CBFB: variants seen among roughly 807,000 people sequenced by gnomAD.
The protein encoded by CBFB is CBF-beta.
CBFB carries 9 observed loss-of-function variants against 30.4 expected under a neutral mutation model. That is an observed-to-expected ratio of 0.30 (90% CI 0.18 to 0.52). CBFB has a LOEUF of 0.52. CBFB is among the 20% of genes least tolerant of loss of function. The pLI is 0.97. For missense variants in CBFB, 170 were observed against 244.0 expected, an observed-to-expected ratio of 0.70 and a Z score of 2.02; for synonymous variants, 94 against 84.0, an observed-to-expected ratio of 1.12 and a Z score of -0.65.
intron 3 of CBFB, among the ~76,000 whole-genome samples, chr16:67,057,013 C>T (rs1437544007): frequency 6.6e-6 from 1 of 150,566 alleles, no homozygotes; most frequent in East Asian, 2.0e-4. Context: ...GATGGAGTCT[C>T]ACTCTTTCGC....
intron 1 of CBFB, 52 bp from the exon 2 acceptor site, chr16:67,029,675 G>A: frequency 6.7e-7 from 1 of 1,502,544 alleles, no homozygotes; most frequent in Non-Finnish European, 9.1e-7. Context: ...GGGCGGGCGC[G>A]CGGGCGGCGC....
At chr16:67,044,504 TAA>T (rs1966588602) in intron 3 of CBFB, among the ~76,000 whole-genome samples, 1 of 152,222 alleles carries the variant, frequency 6.6e-6, no homozygotes, top group African/African-American at 2.4e-5. Flanking sequence ...TAGCTACTTT[TAA>T]AAATTTTGAT....
At position 67,065,858 on chromosome 16, in the gene CBFB, G is replaced by A. The variant is rs1449919940; in HGVS notation, c.283-824G>A. Among the ~76,000 whole-genome samples, 3 of 151,996 alleles carry A rather than the reference G, an allele frequency of 2.0e-5. No homozygotes were observed. In the South Asian group the frequency reaches 6.2e-4, roughly 32 times the overall value. ...CTGATTCACCTTACTGTTGCCTATTGGGAAAAGTAAAAAATAAATAAATAA... is the reference window on the plus strand; with the variant it reads ...CTGATTCACCTTACTGTTGCCTATTAGGAAAAGTAAAAAATAAATAAATAA... On this transcript the variant is annotated intron_variant, in intron 3 of 5. Transcript: ENST00000412916.
rs190932007 is a variant in CBFB at position 67,030,712 on chromosome 16, G to T, written c.165+899G>T. On this transcript the variant is annotated intron_variant, in intron 2 of 5. Transcript: ENST00000412916. ...CCTCCTGGGTTCAAGCGATTTTCCT[G>T]CCTCAGCCTCCTGAGTAGCTAGGAT... Among the ~76,000 whole-genome samples the T allele has an allele frequency of 5.7e-3, 861 of 152,226 alleles. 3 individuals carry two copies. Among genetic ancestry groups the T allele is most frequent in the African/African-American group, 0.019 (804 of 41,530 alleles).
At chr16:67,095,232 A>AG (rs1962008656) in intron 5 of CBFB, among the ~76,000 whole-genome samples, 1 of 150,452 alleles carries the variant, frequency 6.6e-6, no homozygotes, top group Non-Finnish European at 1.5e-5. Context: ...AAAAAAAAAA[A>AG]AAAAGGCTGG....
chr16:67,057,202 C>T (rs954614262), intron 3 of CBFB, among the ~76,000 whole-genome samples: 4 of 151,870 alleles, frequency 2.6e-5, no homozygotes, highest in Admixed American at 6.6e-5. Flanking sequence ...AGGCTGGTCT[C>T]GAACTTCTGA....
At chr16:67,090,513 G>A (rs1961852626) in intron 5 of CBFB, among the ~76,000 whole-genome samples, 1 of 152,094 alleles carries the variant, frequency 6.6e-6, no homozygotes, top group Admixed American at 6.6e-5. Flanking sequence ...GGTTAATAAA[G>A]GACAGATTTC....
chr16:67,046,030 A>G (rs918697594), intron 3 of CBFB, among the ~76,000 whole-genome samples: 1 of 152,084 alleles, frequency 6.6e-6, no homozygotes, highest in South Asian at 2.1e-4. Flanking sequence ...TCCTGACCTC[A>G]GGTGATCCGC....
At chr16:67,058,969 G>A (rs576272866) in intron 3 of CBFB, among the ~76,000 whole-genome samples, 1 of 152,226 alleles carries the variant, frequency 6.6e-6, no homozygotes, top group Non-Finnish European at 1.5e-5. Flanking sequence ...ATGTGCATGG[G>A]GGTCTTGTTT....
At chr16:67,075,197 A>ATTG (rs369475383) in intron 4 of CBFB, among the ~76,000 whole-genome samples, 4 of 142,662 alleles carry the variant, frequency 2.8e-5, no homozygotes, top group Non-Finnish European at 6.2e-5. Context: ...CTCAAAAAAA[A>ATTG]TGTGTGTGTG....
chr16:67,069,369 C>CA (rs770641806), intron 4 of CBFB, among the ~76,000 whole-genome samples: 4,619 of 123,704 alleles, frequency 0.037, 83 homozygotes, highest in Admixed American at 0.046. Flanking sequence ...GACTTCATCT[C>CA]AAAAAAAAAA....
chr16:67,030,484 A>C (rs1966319350), intron 2 of CBFB, among the ~76,000 whole-genome samples: 1 of 152,032 alleles, frequency 6.6e-6, no homozygotes, highest in South Asian at 2.1e-4. Context: ...CGTCTTCACC[A>C]GACCTTGGGT....
chr16:67,038,290 ATATATATACACGTATATATGTG>A (rs1247610405), intron 3 of CBFB, among the ~76,000 whole-genome samples: 1 of 151,570 alleles, frequency 6.6e-6, no homozygotes, highest in Non-Finnish European at 1.5e-5. Context: ...GTGTGTATAT[ATATATATACACGTATATATGTG>A]TATATATACG....
intron 5 of CBFB, among the ~76,000 whole-genome samples, chr16:67,089,551 GT>G (rs1961826350): frequency 1.3e-5 from 2 of 152,300 alleles, no homozygotes; most frequent in South Asian, 4.1e-4. Context: ...CATATAGGCT[GT>G]TTTTTATGTG....
intron 4 of CBFB, among the ~76,000 whole-genome samples, chr16:67,078,538 C>A (rs1362915244): frequency 6.6e-6 from 1 of 151,960 alleles, no homozygotes; most frequent in African/African-American, 2.4e-5. Flanking sequence ...AGAGCGAGAC[C>A]CCTTCTCTAA....
chr16:67,090,009 C>G (rs567512932), intron 5 of CBFB, among the ~76,000 whole-genome samples: 1 of 152,192 alleles, frequency 6.6e-6, no homozygotes, highest in South Asian at 2.1e-4. Flanking sequence ...GTCGAAGATA[C>G]TATTTTGCCA....
At chr16:67,070,043 TTTAA>T (rs1476330906) in intron 4 of CBFB, among the ~76,000 whole-genome samples, 3 of 152,232 alleles carry the variant, frequency 2.0e-5, no homozygotes, top group East Asian at 1.9e-4. Context: ...ATTAATGTCT[TTTAA>T]TTGTTTGCTT....
At chr16:67,091,407 G>A (rs1961875819) in intron 5 of CBFB, among the ~76,000 whole-genome samples, 1 of 152,198 alleles carries the variant, frequency 6.6e-6, no homozygotes, top group Non-Finnish European at 1.5e-5. Context: ...GCCAGGCAGT[G>A]TACATTATAA....
At chr16:67,072,695 A>G (rs1304376023) in intron 4 of CBFB, among the ~76,000 whole-genome samples, 1 of 149,358 alleles carries the variant, frequency 6.7e-6, no homozygotes, top group Non-Finnish European at 1.5e-5. Context: ...TCAACTCCTG[A>G]CCTCAGGTGA....
Sources: allele counts gnomAD v4.1 joint callset (sites outside exome capture counted in the v4.1 genomes callset), GRCh38; gene constraint gnomAD v4.1.1; transcripts MANE v1.5; gene names NCBI Gene and HGNC (gene_info 2026-07-23, HGNC 2026-07-21).